The following DCDC1 variants were observed in gnomAD, a reference collection of about 807,000 sequenced individuals.
DCDC1 encodes the protein doublecortin domain-containing protein 1.
Under a neutral mutation model 178.3 loss-of-function variants are expected in DCDC1, and 200 were observed. That is an observed-to-expected ratio of 1.12 (90% confidence interval 1.00 to 1.26). DCDC1 has a LOEUF of 1.26. DCDC1 is among the 50% of genes most tolerant of loss of function. DCDC1 has a pLI of 0.00. For synonymous variants in DCDC1, 690 were observed against 604.8 expected (o/e 1.14, Z -2.07); for missense variants, 1,983 against 1,749.2 (o/e 1.13, Z -2.38).
chr11:31,077,577 A>G (rs1468710846), intron 18 of DCDC1, among the ~76,000 whole-genome samples: 1 of 152,192 alleles, frequency 6.6e-6, no homozygotes, highest in Non-Finnish European at 1.5e-5. Flanking sequence ...CCAAAGTACC[A>G]AATTCTTCAT....
intron 9 of DCDC1, among the ~76,000 whole-genome samples, chr11:31,140,316 A>G (rs1963662248): frequency 2.0e-5 from 3 of 152,228 alleles, no homozygotes; most frequent in Admixed American, 2.0e-4. Context: ...AGAAAGGTGG[A>G]TAAAATTTGT....
chr11:30,874,489 A>G (rs1262228395), intron 38 of DCDC1, among the ~76,000 whole-genome samples: 1 of 152,198 alleles, frequency 6.6e-6, no homozygotes, highest in African/African-American at 2.4e-5. Flanking sequence ...GGAAGACGGG[A>G]AAAGGCCAAG....
intron 15 of DCDC1, among the ~76,000 whole-genome samples, chr11:31,094,505 A>C (rs561515314): frequency 1.3e-5 from 2 of 152,194 alleles, no homozygotes; most frequent in East Asian, 1.9e-4. Flanking sequence ...TGAATGATTA[A>C]ATAGTGTTAT....
intron 20 of DCDC1, among the ~76,000 whole-genome samples, chr11:31,026,902 C>G (rs1299545196): frequency 6.6e-6 from 1 of 151,730 alleles, no homozygotes; most frequent in Non-Finnish European, 1.5e-5. Context: ...GTCCTTAAAG[C>G]ACAGCAACCC....
intron 36 of DCDC1, among the ~76,000 whole-genome samples, chr11:30,884,217 G>C (rs1321634115): frequency 6.6e-6 from 1 of 151,804 alleles, no homozygotes; most frequent in Non-Finnish European, 1.5e-5. Context: ...TTTTTGTAGA[G>C]ACAGGGTTTC....
intron 21 of DCDC1, among the ~76,000 whole-genome samples, chr11:30,939,281 C>A (rs1947484150): frequency 6.6e-6 from 1 of 152,150 alleles, no homozygotes; most frequent in Non-Finnish European, 1.5e-5. Context: ...AGCGGGCCAC[C>A]TAAATTGGTT....
rs145679891 is a variant in DCDC1 at position 31,038,283 on chromosome 11, C to T, written c.2591+26186G>A. ...ATGAATTTAAGTGCACATATCAGAA[C>T]GAAGCATTTGGATACCTGGAGAGTA... On this transcript the variant is annotated intron_variant, in intron 20 of 38. Coordinates refer to ENST00000684477, the MANE Select transcript of DCDC1 (RefSeq NM_001387274.1). Among the ~76,000 whole-genome samples, 392 of 151,744 alleles carry T rather than the reference C, an allele frequency of 2.6e-3. 1 individual carries two copies. The highest frequency in any genetic ancestry group is 9.0e-3 in the African/African-American group (371 of 41,366).
intron 20 of DCDC1, among the ~76,000 whole-genome samples, chr11:31,052,714 A>G (rs1211357981): frequency 6.6e-6 from 1 of 152,146 alleles, no homozygotes; most frequent in East Asian, 1.9e-4. Flanking sequence ...TGGAAATTAA[A>G]TAACCTGCTC....
intron 2 of DCDC1, among the ~76,000 whole-genome samples, chr11:31,331,945 G>T (rs1475305697): frequency 6.6e-6 from 1 of 152,144 alleles, no homozygotes; most frequent in Admixed American, 6.6e-5. Context: ...AATAGTTTCA[G>T]AAGAAATGGT....
At chr11:30,894,755 C>T (rs897343672) in intron 34 of DCDC1, among the ~76,000 whole-genome samples, 3 of 152,112 alleles carry the variant, frequency 2.0e-5, no homozygotes, top group Non-Finnish European at 4.4e-5. Flanking sequence ...ATGTTTTGTT[C>T]TCTTTACTAA....
chr11:31,253,395 C>T (rs1944197481), intron 8 of DCDC1, among the ~76,000 whole-genome samples: 1 of 143,766 alleles, frequency 7.0e-6, no homozygotes, highest in Non-Finnish European at 1.5e-5. Context: ...CTTGCTCTGT[C>T]ACCCAGGCTG....
intron 20 of DCDC1, among the ~76,000 whole-genome samples, chr11:31,006,372 T>C (rs994265173): frequency 2.6e-5 from 4 of 152,156 alleles, no homozygotes; most frequent in Non-Finnish European, 5.9e-5. Context: ...TAGATTCCCA[T>C]AGAGAACACA....
chr11:31,132,279 A>G lies in DCDC1; in HGVS notation c.1315-4640T>C, dbSNP rs1037108207. Among the ~76,000 whole-genome samples the G allele has an allele frequency of 5.9e-5, 9 of 152,316 alleles. No individual in the cohort carries two copies. The East Asian group carries it at 9.6e-4, about 16-fold the overall frequency. ...TTACTCAAACTTGATGTTACTTTAC[A>G]TATTCATAAGGTCTTTTATCCCCAA... On this transcript the variant is annotated intron_variant, in intron 10 of 38. Transcript: ENST00000684477.
Position 31,305,755 on chromosome 11 carries a change from T to C in DCDC1, c.614A>G (p.Lys205Arg). The change falls in exon 6 of 39, where the codon AAG (lysine) becomes AGG (arginine). Residue 205 changes from lysine to arginine, a missense_variant. Physicochemically the swap from Lys to Arg is conservative, Grantham distance 26. Coordinates refer to ENST00000684477, the MANE Select transcript of DCDC1 (RefSeq NM_001387274.1). ...ITLLLEECTE[K>R]LNLNMAARRV... ...TCTTGCGGCCATGTTCAGATTCAGC[T>C]TTTCTGTGCACTCCTCCAGCAGCTA... The C allele has an allele frequency of 6.2e-7, 1 of 1,613,652 alleles. No homozygotes were observed. The highest frequency in any genetic ancestry group is 1.1e-5 in the South Asian group (1 of 91,050).
intron 10 of DCDC1, among the ~76,000 whole-genome samples, chr11:31,133,812 T>C (rs1296147013): frequency 6.6e-6 from 1 of 152,184 alleles, no homozygotes. Context: ...CAAGTGATTC[T>C]CCTGCCTCAG....
Position 30,916,982 on chromosome 11 carries a change from G to A in DCDC1, c.3340C>T (p.Leu1114Phe), listed in dbSNP as rs765341390. 30 of 1,609,738 alleles carry A rather than the reference G, an allele frequency of 1.9e-5. No homozygotes were observed. The highest frequency in any genetic ancestry group is 4.2e-6 in the Non-Finnish European group (5 of 1,178,170). Reference protein sequence around the residue: ...AHLRMKACHTLPRYAWQETSH... With the variant: ...AHLRMKACHTFPRYAWQETSH... Reference sequence around the variant, plus strand: ...GTTTCCTGCCAGGCATACCTGGGAAGTGTGTGACAAGCCTTCATTCGAAGA... The same window carrying A: ...GTTTCCTGCCAGGCATACCTGGGAAATGTGTGACAAGCCTTCATTCGAAGA... The change falls in exon 26 of 39, where the codon CTT (leucine) becomes TTT (phenylalanine). Residue 1114 changes from leucine (L) to phenylalanine (F), a missense_variant. By Grantham distance (22) the Leu-to-Phe change is conservative. Transcript: ENST00000684477.
chr11:31,194,581 G>A (rs746950510), intron 9 of DCDC1, among the ~76,000 whole-genome samples: 4 of 151,626 alleles, frequency 2.6e-5, no homozygotes, highest in Non-Finnish European at 5.9e-5. Context: ...TTTATATTAT[G>A]AGCCTTCTTT....
chr11:31,287,503 G>A (rs1946920428), intron 7 of DCDC1, among the ~76,000 whole-genome samples: 1 of 151,798 alleles, frequency 6.6e-6, no homozygotes, highest in Admixed American at 6.6e-5. Flanking sequence ...GACATCCTGA[G>A]TATCCAGCAC....
At chr11:31,327,616 T>C (rs941396528) in intron 3 of DCDC1, among the ~76,000 whole-genome samples, 2 of 152,190 alleles carry the variant, frequency 1.3e-5, no homozygotes, top group Admixed American at 6.5e-5. Context: ...TTTACATTTA[T>C]TGCATCATCT....
Sources: gnomAD v4.1 joint callset for allele counts (sites outside exome capture counted in the v4.1 genomes callset) on GRCh38, gnomAD v4.1.1 for gene constraint, MANE v1.5 for transcripts, NCBI Gene and HGNC (gene_info 2026-07-23, HGNC 2026-07-21) for gene names.